Variants in DPP6 observed in about 807,000 individuals in gnomAD.
The protein encoded by DPP6 is dipeptidyl peptidase like 6.
A neutral mutation model predicts 122.6 loss-of-function variants in DPP6; 69 were observed. That is an observed-to-expected ratio of 0.56 (90% confidence interval 0.46 to 0.69). DPP6 has a LOEUF of 0.69. DPP6 is among the 30% of genes least tolerant of loss of function. The pLI is 0.00. For missense variants in DPP6, 928 were observed against 1,116.9 expected (o/e 0.83, Z 2.41); for synonymous variants, 418 against 433.1 (o/e 0.97, Z 0.43).
At chr7:153,868,703 G>A in the DPP6 span, among the ~76,000 whole-genome samples, 1 of 152,086 alleles carries the variant, frequency 6.6e-6, no homozygotes, top group Non-Finnish European at 1.5e-5. Context: ...GCTTTTGAAT[G>A]TGTATGCTCT....
At chr7:154,805,436 G>T (rs532581514) in intron 15 of DPP6, among the ~76,000 whole-genome samples, 41 of 152,192 alleles carry the variant, frequency 2.7e-4, no homozygotes, top group Non-Finnish European at 5.3e-4. Context: ...CAGGGAGCAT[G>T]ATCTCGAAGC....
the DPP6 span, among the ~76,000 whole-genome samples, chr7:153,817,979 G>C: frequency 6.6e-6 from 1 of 151,702 alleles, no homozygotes; most frequent in Non-Finnish European, 1.5e-5. Context: ...GGGGGAGGGT[G>C]AGTTACATAT....
intron 1 of DPP6, among the ~76,000 whole-genome samples, chr7:154,373,560 C>G (rs974683280): frequency 5.3e-5 from 8 of 152,228 alleles, no homozygotes; most frequent in African/African-American, 1.9e-4. Context: ...CAGGTAGATT[C>G]TAGTTTTTCT....
chr7:153,793,607 A>C, the DPP6 span, among the ~76,000 whole-genome samples: 1 of 151,364 alleles, frequency 6.6e-6, no homozygotes, highest in African/African-American at 2.4e-5. Flanking sequence ...TGGCTGCAGA[A>C]ATGTGCATAA....
At chr7:154,865,896 C>T (rs1372248153) in intron 17 of DPP6, among the ~76,000 whole-genome samples, 1 of 152,328 alleles carries the variant, frequency 6.6e-6, no homozygotes, top group Admixed American at 6.5e-5. Flanking sequence ...TTTCCACAAA[C>T]CCATCTACCC....
chr7:154,036,380 C>T (rs1238979282), intron 1 of DPP6, among the ~76,000 whole-genome samples: 2 of 148,578 alleles, frequency 1.3e-5, no homozygotes, highest in African/African-American at 5.0e-5. Flanking sequence ...CTCAGCCTCC[C>T]AAAGTGCTGG....
intron 7 of DPP6, among the ~76,000 whole-genome samples, chr7:154,709,929 G>A (rs2131299425): frequency 6.6e-6 from 1 of 152,320 alleles, no homozygotes; most frequent in South Asian, 2.1e-4. Flanking sequence ...GCACCCATCA[G>A]GGGCCATGTG....
At chr7:153,936,309 C>G (rs930858325) in intron 1 of DPP6, among the ~76,000 whole-genome samples, 14 of 152,236 alleles carry the variant, frequency 9.2e-5, no homozygotes, top group Admixed American at 3.9e-4. Context: ...TGATCCCTGT[C>G]AGGAGCTGAG....
chr7:154,541,621 T>A (rs1211765403), intron 4 of DPP6, among the ~76,000 whole-genome samples: 1 of 152,206 alleles, frequency 6.6e-6, no homozygotes, highest in African/African-American at 2.4e-5. Flanking sequence ...TCTTTTCTTG[T>A]TTGAGACACT....
intron 1 of DPP6, among the ~76,000 whole-genome samples, chr7:154,080,219 T>C (rs959422502): frequency 3.9e-5 from 6 of 152,296 alleles, no homozygotes; most frequent in East Asian, 3.9e-4. Flanking sequence ...TTACTGCCAG[T>C]GCATCCCTTG....
At chr7:154,479,916 CCTT>C (rs1563736382) in intron 3 of DPP6, among the ~76,000 whole-genome samples, 2 of 152,122 alleles carry the variant, frequency 1.3e-5, no homozygotes, top group African/African-American at 2.4e-5. Context: ...TCCCCATCCT[CCTT>C]CTCAGCTGAA....
At chr7:153,876,052 T>C in the DPP6 span, among the ~76,000 whole-genome samples, 28 of 151,936 alleles carry the variant, frequency 1.8e-4, no homozygotes, top group Non-Finnish European at 2.5e-4. Context: ...TTTCTAAATA[T>C]AAATAGTGTC....
At chr7:153,969,717 T>G (rs1021512495) in intron 1 of DPP6, among the ~76,000 whole-genome samples, 1 of 147,512 alleles carries the variant, frequency 6.8e-6, no homozygotes, top group African/African-American at 2.7e-5. Flanking sequence ...ATTCACATTC[T>G]CTAATTTAAG....
intron 1 of DPP6, among the ~76,000 whole-genome samples, chr7:154,399,741 G>A (rs186530060): frequency 6.6e-5 from 10 of 152,254 alleles, no homozygotes; most frequent in African/African-American, 2.4e-4. Flanking sequence ...GAACGCAGGG[G>A]TGGGGGAGGG....
intron 22 of DPP6, 144 bp from the exon 23 acceptor site, chr7:154,887,532 C>T: frequency 2.4e-6 from 2 of 822,084 alleles, no homozygotes; most frequent in Non-Finnish European, 4.2e-6. Context: ...TTTAAAAAAC[C>T]AACAATCTGC....
At chr7:154,801,561 C>T in intron 13 of DPP6, 99 bp downstream of exon 13, 1 of 1,431,988 alleles carries the variant, frequency 7.0e-7, no homozygotes, top group Non-Finnish European at 9.2e-7. Flanking sequence ...TTTTCGAGGA[C>T]CCCAAGGAAT....
intron 10 of DPP6, among the ~76,000 whole-genome samples, chr7:154,785,672 G>A (rs1797294098): frequency 6.6e-6 from 1 of 152,168 alleles, no homozygotes; most frequent in Admixed American, 6.5e-5. Flanking sequence ...CATTGAGGTT[G>A]ATGGCATTTA....
intron 1 of DPP6, among the ~76,000 whole-genome samples, chr7:153,951,787 A>G (rs1397678139): frequency 6.6e-6 from 1 of 152,142 alleles, no homozygotes; most frequent in Non-Finnish European, 1.5e-5. Flanking sequence ...TTACACCTCT[A>G]ATCCTGGCAC....
In DPP6 at chr7:154,801,831, C is replaced by T. The variant is rs190835301; in HGVS notation, c.1407+369C>T. Among the ~76,000 whole-genome samples, 681 of 152,246 alleles carry T rather than the reference C, an allele frequency of 4.5e-3. 2 individuals carry two copies. Among genetic ancestry groups the T allele is most frequent in the Non-Finnish European group, 7.8e-3 (530 of 68,022 alleles). On this transcript the variant is annotated intron_variant, in intron 13 of 25. Coordinates refer to ENST00000377770, the MANE Select transcript of DPP6 (RefSeq NM_130797.4). ...CTCCCCGCTGAGGCATGGCTCCATG[C>T]ACTCAACATCCCTCAGGGGTCCAGC...
Sources: gnomAD v4.1 joint callset for allele counts (sites outside exome capture counted in the v4.1 genomes callset) on GRCh38, gnomAD v4.1.1 for gene constraint, MANE v1.5 for transcripts, NCBI Gene and HGNC (gene_info 2026-07-23, HGNC 2026-07-21) for gene names.